The following ATP6V1H variants were observed in gnomAD, a reference collection of about 807,000 sequenced individuals.
ATP6V1H encodes V-type proton ATPase subunit H.
In ATP6V1H, 39 loss-of-function variants were observed where a neutral mutation model predicts 71.7. That is an observed-to-expected ratio of 0.54 (90% CI 0.42 to 0.71). The LOEUF is 0.71. Ranked by LOEUF, ATP6V1H falls within the 30% of genes least tolerant of loss-of-function variation. ATP6V1H has a pLI of 0.00. For missense variants in ATP6V1H, 509 were observed against 594.9 expected, an observed-to-expected ratio of 0.86 and a Z score of 1.50; for synonymous variants, 192 against 199.3, an observed-to-expected ratio of 0.96 and a Z score of 0.31.
At chr8:53,740,746 G>T (rs529448961) in intron 13 of ATP6V1H, among the ~76,000 whole-genome samples, 1 of 152,292 alleles carries the variant, frequency 6.6e-6, no homozygotes, top group South Asian at 2.1e-4. Context: ...CTGAAAAAAG[G>T]TATTGATCCA....
Position 53,829,474 on chromosome 8 carries a change from A to C in ATP6V1H, c.276T>G (p.Tyr92Ter). Residue 92 changes from tyrosine (Y) to a stop codon, truncating the protein, a stop_gained, in exon 4 of 14, where the codon TAT becomes TAG. Coordinates refer to ENST00000359530, the MANE Select transcript of ATP6V1H (RefSeq NM_015941.4). LOFTEE classifies it high-confidence loss of function. ...THICKEQTVQ[Y>*]ILTMVDDMLQ... ...GCATATCATCCACCATAGTTAGTATATACTGAACGGTCTGTTCTTTGCAGA... is the reference window on the plus strand; with the variant it reads ...GCATATCATCCACCATAGTTAGTATCTACTGAACGGTCTGTTCTTTGCAGA... 1 of 1,606,334 alleles carries C rather than the reference A, an allele frequency of 6.2e-7. No homozygotes were observed. The highest frequency in any genetic ancestry group is 8.5e-7 in the Non-Finnish European group (1 of 1,176,784).
intron 12 of ATP6V1H, among the ~76,000 whole-genome samples, chr8:53,745,712 C>A (rs775026922): frequency 6.6e-6 from 1 of 150,464 alleles, no homozygotes; most frequent in African/African-American, 2.5e-5. Flanking sequence ...CACACACACA[C>A]AAAAACCCCA....
At chr8:53,816,776 C>T (rs1019117295) in intron 5 of ATP6V1H, among the ~76,000 whole-genome samples, 6 of 151,848 alleles carry the variant, frequency 4.0e-5, no homozygotes, top group African/African-American at 1.5e-4. Context: ...AGTCTGGCAA[C>T]AGAGTGAGAC....
intron 11 of ATP6V1H, among the ~76,000 whole-genome samples, chr8:53,768,221 A>C (rs185074839): frequency 6.6e-6 from 1 of 152,256 alleles, no homozygotes; most frequent in Admixed American, 6.5e-5. Context: ...ACAAATAGAC[A>C]CCACAATGAG....
chr8:53,833,651 C>A (rs756712291), intron 2 of ATP6V1H, among the ~76,000 whole-genome samples: 1 of 152,200 alleles, frequency 6.6e-6, no homozygotes, highest in South Asian at 2.1e-4. Context: ...TTCCAGGGGT[C>A]GCTTCATCAC....
In ATP6V1H at chr8:53,814,697, A is replaced by T. The variant is rs1225450470; in HGVS notation, c.490T>A (p.Tyr164Asn). ...ELMEGSDLNY[Y>N]FNWIKTQLSS... ...AGCTGAGTTTTTATCCAATTGAAATAGTAATTTAAGTCACTGCCTTCCATC... is the reference window on the plus strand; with the variant it reads ...AGCTGAGTTTTTATCCAATTGAAATTGTAATTTAAGTCACTGCCTTCCATC... Residue 164 changes from tyrosine (Y) to asparagine (N), a missense_variant, in exon 6 of 14, where the codon TAT becomes AAT. Physicochemically the swap from Tyr to Asn is moderately radical, Grantham distance 143 (BLOSUM62 -2). Around this residue, in one of 2 missense-constraint regions of ATP6V1H, gnomAD observed 297 missense variants for 303.3 expected, o/e 0.98. Coordinates refer to ENST00000359530, the MANE Select transcript of ATP6V1H (RefSeq NM_015941.4). The T allele has an allele frequency of 7.4e-6, 12 of 1,611,936 alleles. No homozygotes were observed. Among genetic ancestry groups the T allele is most frequent in the Non-Finnish European group, 1.0e-5 (12 of 1,179,180 alleles).
At chr8:53,749,245 C>G (rs1807709294) in intron 12 of ATP6V1H, among the ~76,000 whole-genome samples, 1 of 152,204 alleles carries the variant, frequency 6.6e-6, no homozygotes, top group Admixed American at 6.5e-5. Flanking sequence ...TCAGATTAAA[C>G]AGAGAAGAAT....
chr8:53,762,211 T>A (rs971945567), intron 11 of ATP6V1H, among the ~76,000 whole-genome samples: 1 of 150,720 alleles, frequency 6.6e-6, no homozygotes, highest in Admixed American at 6.6e-5. Flanking sequence ...AAAGTTCCAA[T>A]GAAGTTGAGG....
chr8:53,790,766 C>T (rs1809540777), intron 9 of ATP6V1H, among the ~76,000 whole-genome samples: 1 of 152,180 alleles, frequency 6.6e-6, no homozygotes, highest in Admixed American at 6.5e-5. Flanking sequence ...TCAAAGACTC[C>T]TTCAGCTATT....
Position 53,811,803 on chromosome 8 carries a change from A to G in ATP6V1H, c.526-586T>C, listed in dbSNP as rs542511533. Among the ~76,000 whole-genome samples the G allele has an allele frequency of 1.2e-4, 19 of 152,342 alleles. No individual in the cohort carries two copies. The South Asian group carries it at 2.1e-3, about 17-fold the overall frequency. On this transcript the variant is annotated intron_variant, in intron 6 of 13. Transcript: ENST00000359530. ...GGAAATGTTAACTTTGTATCATTCA[A>G]TAACTACTATCTATGAAGTACAGGC...
intron 5 of ATP6V1H, among the ~76,000 whole-genome samples, chr8:53,815,481 AT>A (rs1366890433): frequency 6.6e-6 from 1 of 152,168 alleles, no homozygotes; most frequent in Non-Finnish European, 1.5e-5. Context: ...CCTCAAAATA[AT>A]TTCCTGTGCT....
intron 11 of ATP6V1H, among the ~76,000 whole-genome samples, chr8:53,757,827 C>T (rs1360782837): frequency 6.6e-6 from 1 of 152,158 alleles, no homozygotes; most frequent in African/African-American, 2.4e-5. Context: ...TCACCACCTG[C>T]CATTGTAATA....
chr8:53,811,063 TTA>T (rs1810257687), intron 7 of ATP6V1H, 99 bp downstream of exon 7: 5 of 886,852 alleles, frequency 5.6e-6, no homozygotes, highest in Non-Finnish European at 1.8e-6. Flanking sequence ...GACCATGGAT[TTA>T]TAGTTGGGGA....
At chr8:53,838,420 C>T (rs1811234184) in intron 2 of ATP6V1H, among the ~76,000 whole-genome samples, 1 of 152,168 alleles carries the variant, frequency 6.6e-6, no homozygotes. Flanking sequence ...CGCCTGGCCA[C>T]CTGTGAGTGT....
Position 53,716,003 on chromosome 8 carries a change from G to C in ATP6V1H, c.1413C>G (p.Leu471=). 2 of 1,607,108 alleles carry C rather than the reference G, an allele frequency of 1.2e-6. No homozygotes were observed. The highest frequency in any genetic ancestry group is 1.7e-6 in the Non-Finnish European group (2 of 1,177,504). ...VHNWEYLGKQ[L]QSEQPQTAAA... Reference sequence around the variant, plus strand: ...CAGCGGTCTGGGGCTGCTCGGACTGGAGCTGCTTGCCAAGGTATTCCCTGA... The same window carrying C: ...CAGCGGTCTGGGGCTGCTCGGACTGCAGCTGCTTGCCAAGGTATTCCCTGA... Residue 471 remains leucine (L), a synonymous_variant, in exon 14 of 14, where the codon CTC becomes CTG. Transcript: ENST00000359530.
intron 2 of ATP6V1H, chr8:53,839,820 A>G (rs751954603): frequency 1.0e-6 from 1 of 985,426 alleles, no homozygotes; most frequent in Non-Finnish European, 1.2e-6. Flanking sequence ...CTTCATATCA[A>G]TCATGGGCTT....
intron 12 of ATP6V1H, 137 bp from the exon 13 acceptor site, chr8:53,743,827 C>CGT: frequency 3.4e-6 from 2 of 593,184 alleles, no homozygotes; most frequent in Non-Finnish European, 5.9e-6. Context: ...TCTTTTTTTA[C>CGT]ATCATTTTCC....
chr8:53,763,689 C>T (rs112116284), intron 11 of ATP6V1H, among the ~76,000 whole-genome samples: 20 of 152,096 alleles, frequency 1.3e-4, no homozygotes, highest in African/African-American at 4.3e-4. Flanking sequence ...TCACTCCAAT[C>T]CTCACAGCAG....
At chr8:53,780,825 A>T (rs1234429104) in intron 9 of ATP6V1H, among the ~76,000 whole-genome samples, 1 of 152,158 alleles carries the variant, frequency 6.6e-6, no homozygotes, top group Non-Finnish European at 1.5e-5. Flanking sequence ...TTTGCTGAGA[A>T]TGATGGTTTC....
Sources: allele counts gnomAD v4.1 joint callset (sites outside exome capture counted in the v4.1 genomes callset), GRCh38; gene constraint gnomAD v4.1.1; regional missense constraint gnomAD v4.1.1; transcripts MANE v1.5; gene names NCBI Gene and HGNC (gene_info 2026-07-23, HGNC 2026-07-21).